The following CYTH3 variants were observed in gnomAD, a reference collection of about 807,000 sequenced individuals.
CYTH3 encodes the protein cytohesin 3.
A neutral mutation model predicts 55.1 loss-of-function variants in CYTH3; 23 were observed. The observed-to-expected ratio is 0.42, with a 90% CI of 0.30 to 0.59. The LOEUF is 0.59. CYTH3 is among the 20% of genes least tolerant of loss of function. CYTH3 has a pLI of 0.20. For missense variants in CYTH3, 413 were observed against 524.8 expected, an observed-to-expected ratio of 0.79 and a Z score of 2.08; for synonymous variants, 249 against 194.9, an observed-to-expected ratio of 1.28 and a Z score of -2.31.
rs538559892 is a variant in CYTH3, at chr7:6,174,840, C to T, written c.369-1107G>A. ...GGGATTACAGGCCTGAGCCGCCACG[C>T]CCAGCCTCTCCTTGTGGTTTCAATC... On this transcript the variant is annotated intron_variant, in intron 5 of 12. Coordinates refer to ENST00000350796, the MANE Select transcript of CYTH3 (RefSeq NM_004227.4). 1.7e-4 allele frequency among the ~76,000 whole-genome samples: 26 copies of T among 152,316 alleles called. No homozygotes were observed. In the South Asian group the frequency reaches 4.8e-3, roughly 28 times the overall value.
At chr7:6,222,539 G>C (rs1784575370) in intron 1 of CYTH3, among the ~76,000 whole-genome samples, 1 of 152,152 alleles carries the variant, frequency 6.6e-6, no homozygotes, top group Admixed American at 6.5e-5. Flanking sequence ...AAGTTCAGGA[G>C]ATGGAGACCA....
At chr7:6,198,094 GAAA>G (rs76022025) in intron 1 of CYTH3, among the ~76,000 whole-genome samples, 2 of 48,678 alleles carry the variant, frequency 4.1e-5, no homozygotes, top group African/African-American at 6.9e-5. Flanking sequence ...ACACTCTTAA[GAAA>G]AAAAAAAAAA....
intron 1 of CYTH3, among the ~76,000 whole-genome samples, chr7:6,201,263 C>T (rs747886013): frequency 2.0e-5 from 3 of 152,280 alleles, no homozygotes; most frequent in South Asian, 2.1e-4. Flanking sequence ...TTAGCAACAA[C>T]GGAAAGGGCC....
intron 3 of CYTH3, among the ~76,000 whole-genome samples, chr7:6,187,395 G>A (rs541623504): frequency 6.6e-6 from 1 of 152,350 alleles, no homozygotes; most frequent in South Asian, 2.1e-4. Context: ...TAATTTCTGT[G>A]CGGGTCAACC....
At chr7:6,228,030 A>G (rs1779297485) in intron 1 of CYTH3, among the ~76,000 whole-genome samples, 2 of 152,226 alleles carry the variant, frequency 1.3e-5, no homozygotes, top group Non-Finnish European at 2.9e-5. Context: ...TCCTATTTAA[A>G]AAGTATTTAA....
At chr7:6,182,581 A>G (rs1423127897) in intron 4 of CYTH3, among the ~76,000 whole-genome samples, 1 of 152,194 alleles carries the variant, frequency 6.6e-6, no homozygotes, top group Non-Finnish European at 1.5e-5. Context: ...ATCACATTTC[A>G]TTGTAGCCTC....
intron 2 of CYTH3, 99 bp downstream of exon 2, chr7:6,190,346 GTTTT>G: frequency 1.8e-5 from 11 of 627,038 alleles, no homozygotes; most frequent in African/African-American, 5.1e-5. Flanking sequence ...TTGTTTTTGG[GTTTT>G]TTTTTTTTTT....
At chr7:6,221,099 A>AAT (rs1784539911) in intron 1 of CYTH3, among the ~76,000 whole-genome samples, 1 of 152,218 alleles carries the variant, frequency 6.6e-6, no homozygotes, top group South Asian at 2.1e-4. Flanking sequence ...CAAAAACCTG[A>AAT]ACATGAATGT....
chr7:6,186,566 T>C (rs1223568013), intron 4 of CYTH3, among the ~76,000 whole-genome samples: 1 of 152,206 alleles, frequency 6.6e-6, no homozygotes, highest in East Asian at 1.9e-4. Flanking sequence ...CACAGACACC[T>C]GCTTTTTAAG....
chr7:6,188,777 G>A (rs951019788), intron 2 of CYTH3: 9 of 152,172 alleles, frequency 5.9e-5, no homozygotes, highest in African/African-American at 1.7e-4. Context: ...GCTAGATTAC[G>A]ATTCCACATT....
At position 6,165,192 on chromosome 7, in the gene CYTH3, G is replaced by A; in HGVS notation, c.1127+81C>T. ...AGAAGGTCCACTCTTGCACACGGAAGCATCCATGTTCCAGACCATCCCCCG... is the reference window on the plus strand; with the variant it reads ...AGAAGGTCCACTCTTGCACACGGAAACATCCATGTTCCAGACCATCCCCCG... On this transcript the variant is annotated intron_variant, in intron 12 of 12. Coordinates refer to ENST00000350796, the MANE Select transcript of CYTH3 (RefSeq NM_004227.4). The A allele has an allele frequency of 5.8e-6, 9 of 1,560,594 alleles. No individual in the cohort carries two copies. In the South Asian group the frequency reaches 7.2e-5, roughly 13 times the overall value.
chr7:6,166,754 C>A (rs1046476644), intron 9 of CYTH3, among the ~76,000 whole-genome samples: 1 of 152,112 alleles, frequency 6.6e-6, no homozygotes, highest in Non-Finnish European at 1.5e-5. Context: ...TCTCTGCAGT[C>A]CCTCTGGGAC....
intron 1 of CYTH3, among the ~76,000 whole-genome samples, chr7:6,236,081 A>AACT (rs1196764789): frequency 6.6e-6 from 1 of 152,210 alleles, no homozygotes; most frequent in African/African-American, 2.4e-5. Flanking sequence ...CCTGATACTT[A>AACT]ACTACTCTAG....
At chr7:6,211,589 C>A (rs1316404408) in intron 1 of CYTH3, among the ~76,000 whole-genome samples, 1 of 152,222 alleles carries the variant, frequency 6.6e-6, no homozygotes, top group Non-Finnish European at 1.5e-5. Flanking sequence ...GAGTTCAAAT[C>A]CCAAAGTGCT....
chr7:6,264,543 T>TG (rs1013771440), intron 1 of CYTH3, among the ~76,000 whole-genome samples: 8 of 151,898 alleles, frequency 5.3e-5, no homozygotes, highest in African/African-American at 1.9e-4. Flanking sequence ...ACCCAGGAGA[T>TG]GGAGATTGCA....
intron 1 of CYTH3, among the ~76,000 whole-genome samples, chr7:6,235,858 AAAAAC>A (rs758116783): frequency 1.3e-5 from 2 of 152,230 alleles, no homozygotes. Flanking sequence ...CTCCCGCTAT[AAAAAC>A]AAAACAAAAC....
At chr7:6,188,432 A>T (rs906239046) in intron 2 of CYTH3, among the ~76,000 whole-genome samples, 1 of 151,932 alleles carries the variant, frequency 6.6e-6, no homozygotes, top group African/African-American at 2.4e-5. Context: ...CCTGCCATGC[A>T]AACAGTTGTC....
intron 4 of CYTH3, among the ~76,000 whole-genome samples, chr7:6,186,088 C>A (rs1446640960): frequency 6.6e-6 from 1 of 151,644 alleles, no homozygotes; most frequent in African/African-American, 2.4e-5. Flanking sequence ...ACTAAAAATA[C>A]AAAAAATTAG....
At chr7:6,230,836 G>A (rs1282122607) in intron 1 of CYTH3, among the ~76,000 whole-genome samples, 2 of 152,112 alleles carry the variant, frequency 1.3e-5, no homozygotes, top group Admixed American at 1.3e-4. Context: ...GGTTGATAAC[G>A]GTAGGATTAT....
Sources: gnomAD v4.1 joint callset for allele counts (sites outside exome capture counted in the v4.1 genomes callset) on GRCh38, gnomAD v4.1.1 for gene constraint, MANE v1.5 for transcripts, NCBI Gene and HGNC (gene_info 2026-07-23, HGNC 2026-07-21) for gene names.